Variants in CNTN3 observed in about 807,000 individuals in gnomAD.
CNTN3 encodes contactin 3.
A neutral mutation model predicts 119.1 loss-of-function variants in CNTN3; 60 were observed. The observed-to-expected ratio is 0.50, with a 90% confidence interval of 0.41 to 0.62. The LOEUF is 0.62. CNTN3 is among the 20% of genes least tolerant of loss of function. The probability of loss-of-function intolerance (pLI) is 0.00; values close to 1 mark genes in which losing one functional copy is unlikely to be tolerated. For missense variants in CNTN3, 1,101 were observed against 1,242.4 expected (o/e 0.89, Z 1.71); for synonymous variants, 450 against 438.7 (o/e 1.03, Z -0.32).
chr3:74,510,118 A>T (rs1025005457), intron 2 of CNTN3, among the ~76,000 whole-genome samples: 3 of 151,770 alleles, frequency 2.0e-5, no homozygotes, highest in African/African-American at 7.3e-5. Flanking sequence ...AGGTGTGTTT[A>T]CTTAAGCATC....
At chr3:74,588,599 A>C (rs1704641084) in intron 1 of CNTN3, among the ~76,000 whole-genome samples, 1 of 152,064 alleles carries the variant, frequency 6.6e-6, no homozygotes, top group African/African-American at 2.4e-5. Context: ...GAATTGGAAA[A>C]AACTACTTTA....
intron 1 of CNTN3, among the ~76,000 whole-genome samples, chr3:74,529,275 T>C (rs7614426): frequency 0.95 from 144,507 of 151,996 alleles, 68,698 homozygotes; most frequent in East Asian, 1. Context: ...AGAAAAGTAA[T>C]GTATCTTCCA....
In CNTN3 at chr3:74,295,225, C is replaced by A. The variant is rs973722129; in HGVS notation, c.2413G>T (p.Ala805Ser). Reference sequence around the variant, plus strand: ...CTATTTGCAGAGACTTGAGATGGGGCCACTGTAGGCTCTGTTCGGAAACAG... The same window carrying A: ...CTATTTGCAGAGACTTGAGATGGGGACACTGTAGGCTCTGTTCGGAAACAG... The part of the protein sequence containing the change: ...VFSAEEEPTV[A>S]PSQVSANSLS... The change falls in exon 19 of 23, where the codon GCC (alanine) becomes TCC (serine). Residue 805 changes from alanine (A) to serine (S), a missense_variant. Physicochemically the swap from Ala to Ser is moderately conservative, Grantham distance 99. Transcript: ENST00000263665. The A allele has an allele frequency of 6.3e-7, 1 of 1,595,550 alleles. No individual in the cohort carries two copies. Among genetic ancestry groups the A allele is most frequent in the Non-Finnish European group, 8.6e-7 (1 of 1,163,722 alleles).
At chr3:74,327,279 C>A (rs1703157449) in intron 13 of CNTN3, among the ~76,000 whole-genome samples, 1 of 151,928 alleles carries the variant, frequency 6.6e-6, no homozygotes, top group Non-Finnish European at 1.5e-5. Context: ...CAGGCATGTG[C>A]CACCACGCCT....
At chr3:74,445,536 T>C (rs1346332669) in intron 4 of CNTN3, among the ~76,000 whole-genome samples, 1 of 152,204 alleles carries the variant, frequency 6.6e-6, no homozygotes, top group Admixed American at 6.5e-5. Context: ...AATGCTCTTG[T>C]TTTATGAAAG....
Position 74,499,717 on chromosome 3 carries a change from C to G in CNTN3, c.124G>C (p.Glu42Gln). ...PSNSIFPVGS[E>Q]DKKITLHCEA... ...CAATGCAAAGTTATTTTTTTATCTT[C>G]TGAACCAACAGGGAAAATGCTGTTG... Residue 42 changes from glutamate to glutamine, a missense_variant, in exon 3 of 23, where the codon GAA (glutamate) becomes CAA (glutamine). Transcript: ENST00000263665. The G allele has an allele frequency of 6.2e-7, 1 of 1,611,572 alleles. No individual in the cohort carries two copies. The highest frequency in any genetic ancestry group is 8.5e-7 in the Non-Finnish European group (1 of 1,178,458).
chr3:74,553,044 G>A (rs917946495), intron 1 of CNTN3, among the ~76,000 whole-genome samples: 3 of 152,134 alleles, frequency 2.0e-5, no homozygotes, highest in South Asian at 4.2e-4. Context: ...TCATCAACCC[G>A]TCACCTACAT....
intron 4 of CNTN3, among the ~76,000 whole-genome samples, chr3:74,454,525 T>A (rs1316633148): frequency 1.3e-5 from 2 of 152,144 alleles, no homozygotes; most frequent in African/African-American, 2.4e-5. Flanking sequence ...AAAGTTAATA[T>A]TGTTATGTGT....
intron 20 of CNTN3, among the ~76,000 whole-genome samples, chr3:74,279,772 C>A (rs911500665): frequency 6.6e-6 from 1 of 151,928 alleles, no homozygotes; most frequent in Non-Finnish European, 1.5e-5. Context: ...ACCACCTGTA[C>A]CCCACTAACC....
intron 2 of CNTN3, among the ~76,000 whole-genome samples, chr3:74,500,387 A>C (rs550464842): frequency 6.6e-6 from 1 of 152,122 alleles, no homozygotes; most frequent in African/African-American, 2.4e-5. Context: ...AGAAAAAAAA[A>C]CAAATCTCTC....
intron 2 of CNTN3, among the ~76,000 whole-genome samples, chr3:74,508,435 G>A (rs1703304039): frequency 6.6e-6 from 1 of 151,978 alleles, no homozygotes; most frequent in South Asian, 2.1e-4. Flanking sequence ...GGAACTATGG[G>A]GTGCGGAGAT....
At chr3:74,371,119 T>G (rs997145937) in intron 6 of CNTN3, 77 bp downstream of exon 6, 3 of 1,022,286 alleles carry the variant, frequency 2.9e-6, no homozygotes, top group Non-Finnish European at 4.5e-6. Flanking sequence ...ATGTACTTTT[T>G]ACATTTTCCC....
At chr3:74,326,256 A>C (rs1242961935) in intron 13 of CNTN3, among the ~76,000 whole-genome samples, 3 of 152,102 alleles carry the variant, frequency 2.0e-5, no homozygotes, top group Non-Finnish European at 2.9e-5. Context: ...CTTTTCAGGG[A>C]GGTTTTGTCC....
In CNTN3 at chr3:74,285,858, A is replaced by C. The variant is rs571506083; in HGVS notation, c.2518-367T>G. 7.9e-4 allele frequency among the ~76,000 whole-genome samples: 107 copies of C among 135,868 alleles called. 1 individual carries two copies. Among genetic ancestry groups the C allele is most frequent in the African/African-American group, 2.6e-3 (99 of 38,278 alleles). 89.1% of individuals were successfully genotyped at this position (135,868 alleles called of 152,430 possible). On this transcript the variant is annotated intron_variant, in intron 19 of 22. Transcript: ENST00000263665. ...ATATATAAAATTAAAAATAGGAACAAAGTGTTACCATTAATATTGCCAATT... is the reference window on the plus strand; with the variant it reads ...ATATATAAAATTAAAAATAGGAACACAGTGTTACCATTAATATTGCCAATT...
At chr3:74,367,097 G>A (rs953256561) in intron 8 of CNTN3, among the ~76,000 whole-genome samples, 8 of 151,584 alleles carry the variant, frequency 5.3e-5, no homozygotes, top group Non-Finnish European at 7.4e-5. Flanking sequence ...TCCATCATAT[G>A]AGATGCAAAT....
intron 4 of CNTN3, among the ~76,000 whole-genome samples, chr3:74,461,012 T>C (rs1702357716): frequency 6.6e-6 from 1 of 151,562 alleles, no homozygotes; most frequent in African/African-American, 2.4e-5. Flanking sequence ...GTTAAAATAA[T>C]TACCTTGAAT....
At chr3:74,531,302 A>G (rs1466257323) in intron 1 of CNTN3, among the ~76,000 whole-genome samples, 1 of 151,914 alleles carries the variant, frequency 6.6e-6, no homozygotes, top group Non-Finnish European at 1.5e-5. Context: ...CATCTGCAGC[A>G]GGAAAGGAGC....
intron 18 of CNTN3, 115 bp downstream of exon 18, chr3:74,297,842 G>T: frequency 1.4e-6 from 1 of 739,524 alleles, no homozygotes; most frequent in Non-Finnish European, 2.2e-6. Flanking sequence ...CTACTACCTG[G>T]ATGATTGTTC....
chr3:74,482,910 A>G (rs1702787957), intron 4 of CNTN3, among the ~76,000 whole-genome samples: 1 of 152,114 alleles, frequency 6.6e-6, no homozygotes, highest in Non-Finnish European at 1.5e-5. Flanking sequence ...TGTAGCTAAT[A>G]ATTTGGAATT....
Sources: allele counts gnomAD v4.1 joint callset (sites outside exome capture counted in the v4.1 genomes callset), GRCh38; gene constraint gnomAD v4.1.1; transcripts MANE v1.5; gene names NCBI Gene and HGNC (gene_info 2026-07-23, HGNC 2026-07-21).